The following FBXL7 variants were observed in gnomAD, a reference collection of about 807,000 sequenced individuals.
The protein encoded by FBXL7 is F-box and leucine rich repeat protein 7.
FBXL7 carries 12 observed loss-of-function variants against 38.3 expected under a neutral mutation model. The observed-to-expected ratio is 0.31, with a 90% confidence interval of 0.20 to 0.51. The LOEUF is 0.51. Ranked by LOEUF, FBXL7 falls within the 20% of genes least tolerant of loss-of-function variation. FBXL7 has a pLI of 0.98. For missense variants in FBXL7, 567 were observed against 676.4 expected (o/e 0.84, Z 1.79); for synonymous variants, 297 against 300.9 (o/e 0.99, Z 0.13).
intron 1 of FBXL7, among the ~76,000 whole-genome samples, chr5:15,608,932 G>A (rs1740126625): frequency 6.6e-6 from 1 of 152,212 alleles, no homozygotes; most frequent in African/African-American, 2.4e-5. Context: ...TTTACAGAAG[G>A]TGAAAGGTTT....
In FBXL7 at chr5:15,722,880, G is replaced by A. The variant is rs143374053; in HGVS notation, c.127+106808G>A. ...GAAGGTTGCAGTGAGCCGAGATCGC[G>A]CCACTACACTCCAGCCTGCTGACAG... On this transcript the variant is annotated intron_variant, in intron 2 of 3. Coordinates refer to ENST00000504595, the MANE Select transcript of FBXL7 (RefSeq NM_012304.5). Among the ~76,000 whole-genome samples, 360 of 148,356 alleles carry A rather than the reference G, an allele frequency of 2.4e-3. 3 individuals carry two copies. Among genetic ancestry groups the A allele is most frequent in the African/African-American group, 8.6e-3 (345 of 40,086 alleles).
At chr5:15,743,016 C>T (rs1158661719) in intron 2 of FBXL7, among the ~76,000 whole-genome samples, 1 of 152,168 alleles carries the variant, frequency 6.6e-6, no homozygotes, top group East Asian at 1.9e-4. Context: ...AGTTACCTCC[C>T]ACTGGGTTCC....
intron 2 of FBXL7, among the ~76,000 whole-genome samples, chr5:15,632,596 T>C (rs772658067): frequency 6.6e-6 from 1 of 152,174 alleles, no homozygotes; most frequent in Non-Finnish European, 1.5e-5. Context: ...CTATTCATAG[T>C]AGCAAAGACA....
At chr5:15,819,884 G>T (rs568935670) in intron 2 of FBXL7, among the ~76,000 whole-genome samples, 23 of 152,278 alleles carry the variant, frequency 1.5e-4, no homozygotes, top group African/African-American at 5.3e-4. Flanking sequence ...ATCCCAGCTT[G>T]AGTGGTGGTT....
chr5:15,814,770 G>A (rs1289264502), intron 2 of FBXL7, among the ~76,000 whole-genome samples: 1 of 152,104 alleles, frequency 6.6e-6, no homozygotes, highest in Non-Finnish European at 1.5e-5. Context: ...AAAGACTACA[G>A]GATTCTGGCT....
intron 2 of FBXL7, among the ~76,000 whole-genome samples, chr5:15,813,271 A>T (rs1427480108): frequency 6.6e-6 from 1 of 152,112 alleles, no homozygotes; most frequent in African/African-American, 2.4e-5. Flanking sequence ...AAATAACACC[A>T]CACATCTACA....
intron 1 of FBXL7, among the ~76,000 whole-genome samples, chr5:15,606,392 G>GA (rs959505556): frequency 6.6e-6 from 1 of 152,182 alleles, no homozygotes; most frequent in African/African-American, 2.4e-5. Flanking sequence ...GCTGTGGTGG[G>GA]AATTCTCCGC....
chr5:15,581,694 A>C (rs1739146578), intron 1 of FBXL7, among the ~76,000 whole-genome samples: 1 of 151,328 alleles, frequency 6.6e-6, no homozygotes, highest in Non-Finnish European at 1.5e-5. Context: ...TATAAGTTAG[A>C]CTCTCTTGTC....
At chr5:15,541,676 C>T (rs1416714830) in intron 1 of FBXL7, among the ~76,000 whole-genome samples, 1 of 150,492 alleles carries the variant, frequency 6.6e-6, no homozygotes, top group Non-Finnish European at 1.5e-5. Flanking sequence ...TCCCAAGTAG[C>T]TGGGATTACA....
At chr5:15,672,235 ATCTTAAT>A (rs1435409506) in intron 2 of FBXL7, among the ~76,000 whole-genome samples, 2 of 152,360 alleles carry the variant, frequency 1.3e-5, no homozygotes, top group African/African-American at 4.8e-5. Context: ...TTTGCAAGAC[ATCTTAAT>A]GTCTGTAAAT....
intron 2 of FBXL7, among the ~76,000 whole-genome samples, chr5:15,645,728 T>C (rs1487842258): frequency 6.6e-6 from 1 of 152,236 alleles, no homozygotes; most frequent in Non-Finnish European, 1.5e-5. Context: ...TCTCAGATTG[T>C]TTCTGAAAAG....
rs1002594938 is a variant in FBXL7 at position 15,738,282 on chromosome 5, A to G, written c.127+122210A>G. ...AGAAGTGCTTATGATGAGAAGTAAAATAATATAATAAAGAAAGTGCTTTAT... is the reference window on the plus strand; with the variant it reads ...AGAAGTGCTTATGATGAGAAGTAAAGTAATATAATAAAGAAAGTGCTTTAT... On this transcript the variant is annotated intron_variant, in intron 2 of 3. Coordinates refer to ENST00000504595, the MANE Select transcript of FBXL7 (RefSeq NM_012304.5). Among the ~76,000 whole-genome samples the G allele has an allele frequency of 1.5e-4, 23 of 152,204 alleles. 1 individual carries two copies. Among genetic ancestry groups the G allele is most frequent in the Admixed American group, 1.1e-3 (17 of 15,286 alleles).
At chr5:15,690,794 G>A (rs1448615011) in intron 2 of FBXL7, among the ~76,000 whole-genome samples, 1 of 152,164 alleles carries the variant, frequency 6.6e-6, no homozygotes, top group African/African-American at 2.4e-5. Context: ...TGGGAATGTT[G>A]TGGGGGTGGA....
chr5:15,887,103 C>T (rs954885347), intron 2 of FBXL7, among the ~76,000 whole-genome samples: 3 of 152,064 alleles, frequency 2.0e-5, no homozygotes, highest in African/African-American at 7.2e-5. Flanking sequence ...TTAAAAAAAT[C>T]GTTTATATAT....
At chr5:15,767,459 G>A (rs143300714) in intron 2 of FBXL7, among the ~76,000 whole-genome samples, 25 of 152,214 alleles carry the variant, frequency 1.6e-4, no homozygotes, top group African/African-American at 5.8e-4. Context: ...GCTACAGCTC[G>A]GTGGAACTGC....
intron 2 of FBXL7, among the ~76,000 whole-genome samples, chr5:15,801,767 T>C (rs1385532139): frequency 6.6e-6 from 1 of 151,546 alleles, no homozygotes; most frequent in Non-Finnish European, 1.5e-5. Context: ...TTTCATTGTT[T>C]CTACTTAACA....
intron 2 of FBXL7, among the ~76,000 whole-genome samples, chr5:15,853,456 TG>T (rs1240487587): frequency 6.6e-6 from 1 of 151,694 alleles, no homozygotes; most frequent in Non-Finnish European, 1.5e-5. Flanking sequence ...AGTTGAGAGA[TG>T]GTACTTGGGG....
chr5:15,587,294 T>G (rs1270251316), intron 1 of FBXL7, among the ~76,000 whole-genome samples: 2 of 152,306 alleles, frequency 1.3e-5, no homozygotes, highest in Non-Finnish European at 2.9e-5. Flanking sequence ...AGAATGGGCT[T>G]GCTTCTTCAC....
chr5:15,857,516 CTA>C (rs1739306637), intron 2 of FBXL7, among the ~76,000 whole-genome samples: 1 of 152,174 alleles, frequency 6.6e-6, no homozygotes, highest in South Asian at 2.1e-4. Context: ...TGCTATATTT[CTA>C]TGTTTTACTT....
Sources: allele counts gnomAD v4.1 joint callset (sites outside exome capture counted in the v4.1 genomes callset), GRCh38; gene constraint gnomAD v4.1.1; transcripts MANE v1.5; gene names NCBI Gene and HGNC (gene_info 2026-07-23, HGNC 2026-07-21).